The following TMEM266 variants were observed in gnomAD, a reference collection of about 807,000 sequenced individuals.
TMEM266 encodes transmembrane protein 266.
TMEM266 carries 33 observed loss-of-function variants against 50.5 expected under a neutral mutation model. The ratio of observed to expected loss-of-function variants is 0.65; its 90% CI spans 0.50 to 0.87. TMEM266 has a LOEUF of 0.87. TMEM266 is among the 40% of genes least tolerant of loss of function. The pLI is 0.00. For missense variants in TMEM266, 655 were observed against 695.1 expected, an observed-to-expected ratio of 0.94 and a Z score of 0.65; for synonymous variants, 310 against 292.3, an observed-to-expected ratio of 1.06 and a Z score of -0.62.
intron 1 of TMEM266, among the ~76,000 whole-genome samples, chr15:76,121,481 A>C (rs2037345144): frequency 6.6e-6 from 1 of 152,000 alleles, no homozygotes; most frequent in African/African-American, 2.4e-5. Flanking sequence ...CAGTGGTACG[A>C]TATCAGCTCA....
chr15:76,067,462 G>A (rs1328847943), intron 1 of TMEM266, among the ~76,000 whole-genome samples: 1 of 151,834 alleles, frequency 6.6e-6, no homozygotes, highest in Non-Finnish European at 1.5e-5. Context: ...GGCCAACATG[G>A]AGAAACCCCG....
At chr15:76,110,088 C>T (rs1426377965) in intron 1 of TMEM266, among the ~76,000 whole-genome samples, 1 of 152,104 alleles carries the variant, frequency 6.6e-6, no homozygotes, top group East Asian at 1.9e-4. Context: ...CAATCTCTGT[C>T]TCCTGGGTTC....
intron 9 of TMEM266, among the ~76,000 whole-genome samples, chr15:76,192,644 C>A (rs1162580188): frequency 6.6e-6 from 1 of 152,144 alleles, no homozygotes; most frequent in East Asian, 1.9e-4. Context: ...AGAGCTTGAG[C>A]CTTGCAGACG....
chr15:76,162,908 G>A (rs2959858), intron 5 of TMEM266, among the ~76,000 whole-genome samples: 41,774 of 152,116 alleles, frequency 0.27, 6,087 homozygotes, highest in African/African-American at 0.32. Flanking sequence ...AGGGTGGGGC[G>A]GCACTCCGAG....
intron 1 of TMEM266, among the ~76,000 whole-genome samples, chr15:76,133,911 GGGCACTAACCT>G (rs1218784507): frequency 6.6e-6 from 1 of 152,106 alleles, no homozygotes; most frequent in Non-Finnish European, 1.5e-5. Flanking sequence ...CAGAGAACCT[GGGCACTAACCT>G]GGCTCTTCTA....
intron 4 of TMEM266, among the ~76,000 whole-genome samples, chr15:76,159,459 T>A (rs2142049846): frequency 6.6e-6 from 1 of 152,142 alleles, no homozygotes; most frequent in East Asian, 1.9e-4. Context: ...TAGGGCAATG[T>A]GGAAGTTTAG....
chr15:76,066,323 C>T (rs960004929), intron 1 of TMEM266, among the ~76,000 whole-genome samples: 1 of 151,966 alleles, frequency 6.6e-6, no homozygotes, highest in Non-Finnish European at 1.5e-5. Context: ...CTTCTTGGAA[C>T]GAGGAGGGAT....
chr15:76,183,860 C>G (rs868787907), intron 8 of TMEM266, among the ~76,000 whole-genome samples: 3 of 152,176 alleles, frequency 2.0e-5, no homozygotes, highest in East Asian at 1.9e-4. Context: ...GCTGTCACGC[C>G]CCCCCTCCAT....
intron 8 of TMEM266, among the ~76,000 whole-genome samples, chr15:76,189,844 C>T (rs1375966242): frequency 6.6e-6 from 1 of 152,090 alleles, no homozygotes. Context: ...AAATCTTTCC[C>T]CCTAAAAGTG....
intron 1 of TMEM266, among the ~76,000 whole-genome samples, chr15:76,104,670 G>A (rs1438993211): frequency 2.0e-5 from 3 of 152,108 alleles, no homozygotes; most frequent in Non-Finnish European, 4.4e-5. Context: ...AGGTTTGCTC[G>A]TGATTGCTCG....
chr15:76,118,103 C>T (rs549813724), intron 1 of TMEM266, among the ~76,000 whole-genome samples: 1 of 152,356 alleles, frequency 6.6e-6, no homozygotes, highest in South Asian at 2.1e-4. Flanking sequence ...CAGGTTACTG[C>T]ACCCCTGGGA....
intron 1 of TMEM266, among the ~76,000 whole-genome samples, chr15:76,132,300 A>G (rs1245150340): frequency 6.6e-6 from 1 of 151,602 alleles, no homozygotes; most frequent in Non-Finnish European, 1.5e-5. Flanking sequence ...CAGTAGAGAC[A>G]GGGCTTCACC....
intron 1 of TMEM266, among the ~76,000 whole-genome samples, chr15:76,122,673 C>T (rs922921392): frequency 2.0e-5 from 3 of 152,192 alleles, no homozygotes; most frequent in Non-Finnish European, 4.4e-5. Context: ...GCAGCCCTAG[C>T]TCATTGTTGG....
At chr15:76,118,569 G>A (rs2037289038) in intron 1 of TMEM266, among the ~76,000 whole-genome samples, 1 of 152,052 alleles carries the variant, frequency 6.6e-6, no homozygotes, top group South Asian at 2.1e-4. Context: ...AAAAAATAAA[G>A]GAAGGAAACT....
intron 1 of TMEM266, among the ~76,000 whole-genome samples, chr15:76,120,632 G>A (rs2037326098): frequency 6.6e-6 from 1 of 151,738 alleles, no homozygotes; most frequent in South Asian, 2.1e-4. Context: ...GTGGTAGCAT[G>A]CCCCTGTGGT....
At position 76,168,793 on chromosome 15, in the gene TMEM266, G is replaced by A. The variant is rs2038138970; in HGVS notation, c.457-1023G>A. Among the ~76,000 whole-genome samples, 1 of 152,234 alleles carries A rather than the reference G, an allele frequency of 6.6e-6. No homozygotes were observed. The highest frequency in any genetic ancestry group is 2.1e-4 in the South Asian group (1 of 4,832). On this transcript the variant is annotated intron_variant, in intron 5 of 10. Transcript: ENST00000388942. This position sits in a 1 kb window ranked among gnomAD's most constrained non-coding sequence, Gnocchi z 4.4. ...TCAGCACAAGGTACAAGGCAGTGCT[G>A]TGGAGGGTGACGCCCAGAAACCATA... is the stretch of plus-strand genomic sequence containing the variant.
chr15:76,172,795 C>T (rs1325171691), intron 7 of TMEM266, among the ~76,000 whole-genome samples: 2 of 152,220 alleles, frequency 1.3e-5, no homozygotes, highest in Non-Finnish European at 2.9e-5. Context: ...CACCAGCGCT[C>T]TTTCGGCTGC....
intron 1 of TMEM266, among the ~76,000 whole-genome samples, chr15:76,079,980 G>A (rs2036662650): frequency 6.6e-6 from 1 of 151,920 alleles, no homozygotes; most frequent in South Asian, 2.1e-4. Flanking sequence ...CAATTTGTAA[G>A]TGCAAGAGCT....
chr15:76,178,586 A>T (rs2038338023), intron 8 of TMEM266: 1 of 152,156 alleles, frequency 6.6e-6, no homozygotes, highest in Non-Finnish European at 1.5e-5. Flanking sequence ...GAAAATCCTA[A>T]CGGCAACCCC....
Sources: gnomAD v4.1 joint callset for allele counts (sites outside exome capture counted in the v4.1 genomes callset) on GRCh38, gnomAD v4.1.1 for gene constraint, Gnocchi (gnomAD v3.1) non-coding constraint, MANE v1.5 for transcripts, NCBI Gene and HGNC (gene_info 2026-07-23, HGNC 2026-07-21) for gene names.